Variants in LDLRAD3 observed in about 807,000 individuals in gnomAD.
LDLRAD3 encodes the protein low-density lipoprotein receptor class A domain-containing protein 3.
A neutral mutation model predicts 29.4 loss-of-function variants in LDLRAD3; 20 were observed. That is an observed-to-expected ratio of 0.68 (90% CI 0.48 to 0.99). The LOEUF is 0.99. Among genes scored for constraint, LDLRAD3 ranks in the 50% least tolerant of loss-of-function variants. The pLI is 0.00. For missense variants in LDLRAD3, 420 were observed against 454.3 expected, an observed-to-expected ratio of 0.92 and a Z score of 0.69; for synonymous variants, 157 against 192.7, an observed-to-expected ratio of 0.81 and a Z score of 1.53.
chr11:35,949,142 C>G (rs1456195118), intron 1 of LDLRAD3, among the ~76,000 whole-genome samples: 2 of 152,200 alleles, frequency 1.3e-5, no homozygotes, highest in African/African-American at 4.8e-5. Context: ...TGTAGCCACA[C>G]AGTTCCATGG....
chr11:36,143,948 C>T (rs566869043), intron 4 of LDLRAD3, among the ~76,000 whole-genome samples: 1 of 142,722 alleles, frequency 7.0e-6, no homozygotes, highest in Non-Finnish European at 1.5e-5. Context: ...CTCCCCCTCC[C>T]TCTCTTGCCA....
intron 1 of LDLRAD3, among the ~76,000 whole-genome samples, chr11:35,961,857 T>C (rs942107348): frequency 1.4e-4 from 21 of 152,140 alleles, no homozygotes; most frequent in African/African-American, 4.6e-4. Context: ...GAGAATGGGG[T>C]ATCCATTCCC....
chr11:36,161,645 G>A (rs1323299961), intron 4 of LDLRAD3, among the ~76,000 whole-genome samples: 4 of 152,016 alleles, frequency 2.6e-5, no homozygotes, highest in Admixed American at 6.6e-5. Context: ...CTTCAGTCCC[G>A]GCAAATTCCT....
chr11:36,083,763 CACACACACACACACACA>C (rs1565210907), intron 3 of LDLRAD3, among the ~76,000 whole-genome samples: 18 of 151,402 alleles, frequency 1.2e-4, no homozygotes, highest in Admixed American at 4.0e-4. Flanking sequence ...CACACACACA[CACACACACACACACACA>C]CCCCAGAATA....
intron 1 of LDLRAD3, among the ~76,000 whole-genome samples, chr11:35,955,973 A>G (rs913649873): frequency 2.0e-5 from 3 of 152,186 alleles, no homozygotes; most frequent in Non-Finnish European, 4.4e-5. Flanking sequence ...CATGGAAGCT[A>G]TGGGGATAAA....
intron 4 of LDLRAD3, among the ~76,000 whole-genome samples, chr11:36,154,743 A>C (rs1161191835): frequency 6.6e-6 from 1 of 152,148 alleles, no homozygotes; most frequent in East Asian, 1.9e-4. Flanking sequence ...CCTATTGGTT[A>C]ATTTTCTTGG....
At chr11:36,117,933 C>A (rs931526893) in intron 4 of LDLRAD3, among the ~76,000 whole-genome samples, 2 of 152,132 alleles carry the variant, frequency 1.3e-5, no homozygotes, top group Non-Finnish European at 2.9e-5. Context: ...GGCACCAAGG[C>A]CAGCATCAAG....
intron 4 of LDLRAD3, among the ~76,000 whole-genome samples, chr11:36,165,362 G>A (rs879010367): frequency 2.7e-5 from 4 of 148,532 alleles, no homozygotes; most frequent in Admixed American, 1.3e-4. Flanking sequence ...TTTTGCTTTC[G>A]TCTTTTGAAT....
rs116406983 is a variant in LDLRAD3 at position 36,081,474 on chromosome 11, C to T, written c.194-179C>T. On this transcript the variant is annotated intron_variant, in intron 2 of 5. Transcript: ENST00000315571. ...AAGCATTCCTCTCTAGACAATGTGG[C>T]GTGTGGGTGTCCAATCTGGCTGGGT... Among the ~76,000 whole-genome samples the T allele has an allele frequency of 9.2e-3, 1,402 of 152,264 alleles. 29 individuals are homozygous for T. The highest frequency in any genetic ancestry group is 0.03 in the African/African-American group (1,263 of 41,546).
At chr11:36,120,645 G>A (rs1853743030) in intron 4 of LDLRAD3, among the ~76,000 whole-genome samples, 1 of 152,186 alleles carries the variant, frequency 6.6e-6, no homozygotes, top group African/African-American at 2.4e-5. Flanking sequence ...CAGCTAGTAG[G>A]TGAAGGGGCC....
chr11:36,159,683 G>GGATTGCTTGA (rs1382484809), intron 4 of LDLRAD3, among the ~76,000 whole-genome samples: 3 of 151,706 alleles, frequency 2.0e-5, no homozygotes, highest in Non-Finnish European at 4.4e-5. Context: ...TGAGGTGGGA[G>GGATTGCTTGA]GATTGCTTGA....
chr11:36,019,262 G>C (rs1221420891), intron 1 of LDLRAD3, among the ~76,000 whole-genome samples: 1 of 152,176 alleles, frequency 6.6e-6, no homozygotes, highest in Non-Finnish European at 1.5e-5. Flanking sequence ...TGAATCTCTT[G>C]CCCCGTGTCT....
chr11:35,983,150 G>A (rs908099236), intron 1 of LDLRAD3, among the ~76,000 whole-genome samples: 57 of 152,112 alleles, frequency 3.7e-4, no homozygotes, highest in African/African-American at 1.4e-3. Context: ...CACCGCTCCT[G>A]GCCAGTTGCT....
intron 2 of LDLRAD3, among the ~76,000 whole-genome samples, chr11:36,044,128 C>G (rs568121789): frequency 1.3e-5 from 2 of 152,104 alleles, no homozygotes; most frequent in Admixed American, 1.3e-4. Flanking sequence ...GAGTTCTTCC[C>G]CCAGCTTCCA....
At chr11:36,187,049 C>A (rs1481430070) in intron 4 of LDLRAD3, among the ~76,000 whole-genome samples, 1 of 152,146 alleles carries the variant, frequency 6.6e-6, no homozygotes, top group Non-Finnish European at 1.5e-5. Context: ...ATGTGTGTGA[C>A]CTGCCCCCAA....
chr11:36,094,902 C>T (rs980634618), intron 3 of LDLRAD3, among the ~76,000 whole-genome samples: 1 of 152,142 alleles, frequency 6.6e-6, no homozygotes, highest in Non-Finnish European at 1.5e-5. Context: ...TTTGTTTCTT[C>T]AAGAGTCTTG....
intron 3 of LDLRAD3, among the ~76,000 whole-genome samples, chr11:36,094,179 C>T (rs1429526641): frequency 1.3e-5 from 2 of 152,222 alleles, no homozygotes; most frequent in East Asian, 3.9e-4. Flanking sequence ...ACCATCACTG[C>T]TTGCTTTCCT....
At chr11:36,212,347 G>A (rs1377865492) in intron 4 of LDLRAD3, among the ~76,000 whole-genome samples, 2 of 152,130 alleles carry the variant, frequency 1.3e-5, no homozygotes, top group Non-Finnish European at 2.9e-5. Flanking sequence ...AGTAGGAGAG[G>A]TAGCAAAGAA....
intron 1 of LDLRAD3, among the ~76,000 whole-genome samples, chr11:35,949,758 A>T (rs1466996342): frequency 6.6e-6 from 1 of 152,120 alleles, no homozygotes; most frequent in Non-Finnish European, 1.5e-5. Context: ...CTCTCTTCAG[A>T]CTAGCCACAT....
Sources: allele counts gnomAD v4.1 joint callset (sites outside exome capture counted in the v4.1 genomes callset), GRCh38; gene constraint gnomAD v4.1.1; transcripts MANE v1.5; gene names NCBI Gene and HGNC (gene_info 2026-07-23, HGNC 2026-07-21).